Variants in ANKDD1B observed in about 807,000 individuals in gnomAD.
ANKDD1B encodes ankyrin repeat and death domain containing 1B, also known as ankyrin repeat and death domain-containing protein 1B.
In ANKDD1B, 57 loss-of-function variants were observed where a neutral mutation model predicts 59.7. The ratio of observed to expected loss-of-function variants is 0.95; its 90% CI spans 0.77 to 1.19. ANKDD1B has a LOEUF of 1.19. Among genes scored for constraint, ANKDD1B ranks in the 50% most tolerant of loss-of-function variants. ANKDD1B has a pLI of 0.00. For synonymous variants in ANKDD1B, 216 were observed against 239.5 expected (o/e 0.90, Z 0.91); for missense variants, 602 against 641.9 (o/e 0.94, Z 0.67).
chr5:75,615,668 C>CTGTGTG lies in ANKDD1B; in HGVS notation c.194-1106_194-1101dup, dbSNP rs113185824. 6.1e-3 allele frequency among the ~76,000 whole-genome samples: 887 copies of CTGTGTG among 144,318 alleles called. 9 individuals carry two copies. Among genetic ancestry groups the CTGTGTG allele is most frequent in the African/African-American group, 0.019 (742 of 39,210 alleles). The allele number at this position is 144,318 out of a possible 152,430, so 94.7% of individuals were successfully genotyped here. A position where few individuals can be genotyped will look rare whatever the true frequency, so the allele number is the denominator to read the frequency against. On this transcript the variant is annotated intron_variant, in intron 1 of 13. Transcript: ENST00000601380. ...TCTCCCTGCCTTCACCTGGTCTTCC[C>CTGTGTG]TGTGTGTGTGTGTGTGTGTGTGTGT...
At chr5:75,648,737 C>T (rs941900555) in intron 7 of ANKDD1B, among the ~76,000 whole-genome samples, 7 of 152,316 alleles carry the variant, frequency 4.6e-5, no homozygotes, top group African/African-American at 1.7e-4. Flanking sequence ...AGTGAAAACC[C>T]TGGGGAGAAA....
In ANKDD1B at chr5:75,657,635, G is replaced by C. The variant is rs184046127; in HGVS notation, c.996+1508G>C. 1.4e-4 allele frequency among the ~76,000 whole-genome samples: 21 copies of C among 152,242 alleles called. No individual in the cohort carries two copies. In the East Asian group the frequency reaches 3.1e-3, roughly 22 times the overall value. On this transcript the variant is annotated intron_variant, in intron 9 of 13. Transcript: ENST00000601380. ...TAAGAAATGCTTTTTGGGGCCGGGCGTGGTGGCTCATGCCTGTAATCCCAA... is the reference window on the plus strand; with the variant it reads ...TAAGAAATGCTTTTTGGGGCCGGGCCTGGTGGCTCATGCCTGTAATCCCAA...
In ANKDD1B at chr5:75,648,131, T is replaced by G. The variant is rs575814111; in HGVS notation, c.799-5011T>G. On this transcript the variant is annotated intron_variant, in intron 7 of 13. Transcript: ENST00000601380. Reference sequence around the variant, plus strand: ...GTGGGGGGAGGGGGGAGGGATAGCATTGGGAGATATACCTAATGCTAGATG... The same window carrying G: ...GTGGGGGGAGGGGGGAGGGATAGCAGTGGGAGATATACCTAATGCTAGATG... Among the ~76,000 whole-genome samples the G allele has an allele frequency of 7.9e-5, 8 of 101,232 alleles. No homozygotes were observed. In the East Asian group the frequency reaches 2.1e-3, roughly 26 times the overall value. The allele number at this position is 101,232 out of a possible 152,430, so 66.4% of individuals were successfully genotyped here. A position where few individuals can be genotyped will look rare whatever the true frequency, so the allele number is the denominator to read the frequency against.
In ANKDD1B at chr5:75,611,660, G is replaced by T; in HGVS notation, c.26G>T (p.Gly9Val). The stretch of plus-strand genomic sequence containing the variant: ...ATGGACCCCGCCGGGCGCGCCCGGG[G>T]CCAAGGGGCCACGGCAGGGGGGCTG... MDPAGRAR[G>V]QGATAGGLLL... The change falls in exon 1 of 14, where the codon GGC (glycine) becomes GTC (valine). Residue 9 changes from glycine (G) to valine (V), a missense_variant. Transcript: ENST00000601380. 8.1e-7 allele frequency: 1 copy of T among 1,231,572 alleles called. No individual in the cohort carries two copies. Among genetic ancestry groups the T allele is most frequent in the Non-Finnish European group, 1.0e-6 (1 of 987,936 alleles). 76.3% of individuals were successfully genotyped at this position (1,231,572 alleles called of 1,614,324 possible). A position where few individuals can be genotyped will look rare whatever the true frequency, so the allele number is the denominator to read the frequency against.
chr5:75,611,598 G>T lies in ANKDD1B; in HGVS notation c.-37G>T, dbSNP rs1773554988. On this transcript the variant is annotated 5_prime_UTR_variant, in exon 1 of 14. Coordinates refer to ENST00000601380, the MANE Select transcript of ANKDD1B (RefSeq NM_001276713.2). The stretch of plus-strand genomic sequence containing the variant: ...TGGGTCTGGATCTGGGTCCGAGTCT[G>T]GGTCTGGCCCTGCGCTCAGGGCCCG... The T allele has an allele frequency of 4.1e-6, 5 of 1,210,152 alleles. No individual in the cohort carries two copies. Among genetic ancestry groups the T allele is most frequent in the Non-Finnish European group, 5.2e-6 (5 of 970,384 alleles). The allele number at this position is 1,210,152 out of a possible 1,614,324, so 75.0% of individuals were successfully genotyped here.
intron 10 of ANKDD1B, among the ~76,000 whole-genome samples, chr5:75,660,007 A>G (rs1180463617): frequency 1.3e-5 from 2 of 152,084 alleles, no homozygotes; most frequent in African/African-American, 2.4e-5. Flanking sequence ...CTTGATTGAC[A>G]TTTAAGTTGT....
In ANKDD1B at chr5:75,611,631, G is replaced by C; in HGVS notation, c.-4G>C. 2 of 1,231,182 alleles carry C rather than the reference G, an allele frequency of 1.6e-6. No homozygotes were observed. Among genetic ancestry groups the C allele is most frequent in the Non-Finnish European group, 2.0e-6 (2 of 987,838 alleles). The allele number at this position is 1,231,182 out of a possible 1,614,324, so 76.3% of individuals were successfully genotyped here. A position where few individuals can be genotyped will look rare whatever the true frequency, so the allele number is the denominator to read the frequency against. ...CCCTGCGCTCAGGGCCCGCGGAGGA[G>C]ACTATGGACCCCGCCGGGCGCGCCC... On this transcript the variant is annotated 5_prime_UTR_variant, in exon 1 of 14. Coordinates refer to ENST00000601380, the MANE Select transcript of ANKDD1B (RefSeq NM_001276713.2).
chr5:75,667,554 G>A (rs990895767), intron 12 of ANKDD1B, among the ~76,000 whole-genome samples: 2 of 152,154 alleles, frequency 1.3e-5, no homozygotes, highest in Non-Finnish European at 2.9e-5. Context: ...GGGCTTTCTT[G>A]GCTAGATGAT....
chr5:75,669,358 A>C lies in ANKDD1B; in HGVS notation c.1500A>C (p.Val500=). ...DPAKQLYEEL[V]HAGFPKLAEK... ...CCAAGCAACTGTATGAAGAGCTGGT[A>C]CACGCAGGTTTCCCAAAACTAGCTG... Residue 500 remains valine, a synonymous_variant, in exon 13 of 14, where the codon GTA becomes GTC. Transcript: ENST00000601380. 1 of 1,232,188 alleles carries C rather than the reference A, an allele frequency of 8.1e-7. No homozygotes were observed. Among genetic ancestry groups the C allele is most frequent in the South Asian group, 4.1e-5 (1 of 24,320 alleles). The allele number at this position is 1,232,188 out of a possible 1,614,324, so 76.3% of individuals were successfully genotyped here.
At position 75,625,843 on chromosome 5, in the gene ANKDD1B, C is replaced by G. The variant is rs1348738474; in HGVS notation, c.496-8C>G. 1.3e-6 allele frequency: 2 copies of G among 1,534,804 alleles called. No homozygotes were observed. Among genetic ancestry groups the G allele is most frequent in the African/African-American group, 1.4e-5 (1 of 72,978 alleles). ...CTGTCTATCTCCCCCACCCCTGGTTCTCTTCAGGATGGAATGAGCGCCCTC... is the reference window on the plus strand; with the variant it reads ...CTGTCTATCTCCCCCACCCCTGGTTGTCTTCAGGATGGAATGAGCGCCCTC... On this transcript the variant is annotated splice_region_variant and splice_polypyrimidine_tract_variant and intron_variant, in intron 4 of 13. Transcript: ENST00000601380.
chr5:75,667,301 G>A (rs1775336967), intron 12 of ANKDD1B, among the ~76,000 whole-genome samples: 1 of 152,208 alleles, frequency 6.6e-6, no homozygotes, highest in African/African-American at 2.4e-5. Flanking sequence ...CGGTCACTAA[G>A]GAAGCAAGCA....
chr5:75,652,289 C>A (rs1774853662), intron 7 of ANKDD1B, among the ~76,000 whole-genome samples: 1 of 152,142 alleles, frequency 6.6e-6, no homozygotes, highest in African/African-American at 2.4e-5. Context: ...GGGAGGGACG[C>A]AAACATTCAG....
At chr5:75,661,398 A>G (rs1480636521) in intron 10 of ANKDD1B, among the ~76,000 whole-genome samples, 24 of 9,382 alleles carry the variant, frequency 2.6e-3, no homozygotes, top group African/African-American at 6.3e-3. Flanking sequence ...CTCCGTCTGA[A>G]AAAAAAAAAA....
intron 12 of ANKDD1B, among the ~76,000 whole-genome samples, chr5:75,667,874 A>G (rs963606618): frequency 6.6e-6 from 1 of 152,206 alleles, no homozygotes; most frequent in Admixed American, 6.5e-5. Flanking sequence ...ATGAGCACAC[A>G]CTATTTATAC....
intron 7 of ANKDD1B, among the ~76,000 whole-genome samples, chr5:75,642,308 G>C (rs1353097253): frequency 6.6e-6 from 1 of 152,024 alleles, no homozygotes; most frequent in Non-Finnish European, 1.5e-5. Context: ...CAGAAGACAG[G>C]TGATTTCTGC....
chr5:75,641,520 A>T (rs1384291707), intron 7 of ANKDD1B, among the ~76,000 whole-genome samples: 1 of 152,226 alleles, frequency 6.6e-6, no homozygotes, highest in Non-Finnish European at 1.5e-5. Context: ...ATGAATCCAC[A>T]TGGAAAATGT....
At position 75,666,803 on chromosome 5, in the gene ANKDD1B, G is replaced by T; in HGVS notation, c.1203G>T (p.Glu401Asp). ...TATTTTCACTTTAGGAGCATCATGAGAGCATCAGGGACCCGTCAACAGGCT... is the reference window on the plus strand; with the variant it reads ...TATTTTCACTTTAGGAGCATCATGATAGCATCAGGGACCCGTCAACAGGCT... ...RYYAWREEHH[E>D]SIRDPSTGFT... The change falls in exon 12 of 14, where the codon GAG (glutamate) becomes GAT (aspartate). Residue 401 changes from glutamate (E) to aspartate (D), a missense_variant. Physicochemically the swap from Glu to Asp is conservative, Grantham distance 45. This residue lies in a region of ANKDD1B where 280 missense variants were observed against 319.8 expected (regional missense o/e 0.88). Coordinates refer to ENST00000601380, the MANE Select transcript of ANKDD1B (RefSeq NM_001276713.2). 2 of 1,534,882 alleles carry T rather than the reference G, an allele frequency of 1.3e-6. No homozygotes were observed. Among genetic ancestry groups the T allele is most frequent in the Middle Eastern group, 1.7e-4 (1 of 5,988 alleles).
At chr5:75,655,371 C>G (rs1774943665) in intron 8 of ANKDD1B, among the ~76,000 whole-genome samples, 2 of 152,100 alleles carry the variant, frequency 1.3e-5, no homozygotes, top group South Asian at 4.1e-4. Flanking sequence ...AGGATGGTGC[C>G]CCTGAGTAAG....
At chr5:75,634,682 A>G in intron 5 of ANKDD1B, 1 of 466,314 alleles carries the variant, frequency 2.1e-6, no homozygotes, top group East Asian at 3.4e-5. Context: ...GTGTGCCACC[A>G]TGAAACAGAT....
Sources: gnomAD v4.1 joint callset for allele counts (sites outside exome capture counted in the v4.1 genomes callset) on GRCh38, gnomAD v4.1.1 for gene constraint, gnomAD v4.1.1 regional missense constraint, MANE v1.5 for transcripts, NCBI Gene and HGNC (gene_info 2026-07-23, HGNC 2026-07-21) for gene names.